TNKS: variants seen among roughly 807,000 people sequenced by gnomAD.
The protein encoded by TNKS is tankyrase, also known as poly [ADP-ribose] polymerase tankyrase-1.
In TNKS, 72 loss-of-function variants were observed where a neutral mutation model predicts 135.8. The ratio of observed to expected loss-of-function variants is 0.53; its 90% confidence interval spans 0.44 to 0.64. The LOEUF (loss-of-function observed/expected upper bound fraction) is 0.64. Among genes scored for constraint, TNKS ranks in the 30% least tolerant of loss-of-function variants. The pLI is 0.00. For synonymous variants in TNKS, 849 were observed against 649.3 expected (o/e 1.31, Z -4.68); for missense variants, 1,769 against 1,674.0 (o/e 1.06, Z -0.99).
intron 3 of TNKS, among the ~76,000 whole-genome samples, chr8:9,651,780 T>G (rs998515652): frequency 2.0e-5 from 3 of 152,202 alleles, no homozygotes; most frequent in African/African-American, 7.2e-5. Context: ...CCATATCCTG[T>G]TGGAAATAGT....
intron 1 of TNKS, chr8:9,575,150 G>C: frequency 2.4e-6 from 2 of 841,078 alleles, no homozygotes; most frequent in Non-Finnish European, 2.9e-6. Context: ...ATAGGGGCGC[G>C]ATCTCGGCTC....
At chr8:9,637,619 A>T (rs1800561719) in intron 3 of TNKS, among the ~76,000 whole-genome samples, 1 of 152,196 alleles carries the variant, frequency 6.6e-6, no homozygotes, top group Admixed American at 6.5e-5. Flanking sequence ...CAGCAATGGG[A>T]CAGTATCCTT....
chr8:9,633,884 T>C (rs1487453954), intron 3 of TNKS, among the ~76,000 whole-genome samples: 3 of 152,156 alleles, frequency 2.0e-5, no homozygotes, highest in Admixed American at 1.3e-4. Flanking sequence ...ATAGTCCCCA[T>C]GTATAGCTTG....
chr8:9,617,358 A>T (rs968356759), intron 3 of TNKS, among the ~76,000 whole-genome samples: 2 of 152,222 alleles, frequency 1.3e-5, no homozygotes, highest in African/African-American at 4.8e-5. Flanking sequence ...TCTTGGTCAT[A>T]ATACTGATTT....
At chr8:9,714,004 C>A (rs574804918) in intron 11 of TNKS, among the ~76,000 whole-genome samples, 1 of 152,312 alleles carries the variant, frequency 6.6e-6, no homozygotes, top group African/African-American at 2.4e-5. Flanking sequence ...CACCCTGCTG[C>A]CTTCCCCTAC....
At chr8:9,769,148 A>T (rs193067059) in intron 25 of TNKS, among the ~76,000 whole-genome samples, 1 of 152,244 alleles carries the variant, frequency 6.6e-6, no homozygotes, top group East Asian at 1.9e-4. Context: ...CAGTAACTCA[A>T]TTCTGCCCTT....
chr8:9,578,390 A>G (rs1798040217), intron 1 of TNKS, among the ~76,000 whole-genome samples: 1 of 152,254 alleles, frequency 6.6e-6, no homozygotes, highest in African/African-American at 2.4e-5. Context: ...CCCTGGTAAG[A>G]TGCTGACAGT....
chr8:9,761,282 C>T (rs1752408390), intron 20 of TNKS, among the ~76,000 whole-genome samples: 1 of 152,128 alleles, frequency 6.6e-6, no homozygotes, highest in Admixed American at 6.5e-5. Flanking sequence ...AGTATTGTTT[C>T]TCCCTTTTTA....
chr8:9,623,549 C>T (rs1409510836), intron 3 of TNKS, among the ~76,000 whole-genome samples: 1 of 151,448 alleles, frequency 6.6e-6, no homozygotes, highest in East Asian at 1.9e-4. Context: ...TACTTTATTG[C>T]TAAGAAATGC....
chr8:9,659,508 G>C (rs995790739), intron 3 of TNKS, among the ~76,000 whole-genome samples: 1 of 151,870 alleles, frequency 6.6e-6, no homozygotes, highest in Admixed American at 6.6e-5. Flanking sequence ...CAAAATGAAG[G>C]CAGAAATAAA....
chr8:9,770,083 AT>A, intron 25 of TNKS, 22 bp from the exon 26 acceptor site: 1 of 1,578,388 alleles, frequency 6.3e-7, no homozygotes, highest in East Asian at 2.3e-5. Flanking sequence ...CCTTCAAAGC[AT>A]TGTTTTTTTC....
chr8:9,747,354 T>A (rs1806293461), intron 17 of TNKS, among the ~76,000 whole-genome samples: 1 of 151,972 alleles, frequency 6.6e-6, no homozygotes, highest in South Asian at 2.1e-4. Context: ...TCTTTCAAAA[T>A]TTCTCAGATT....
At chr8:9,751,071 G>C (rs1806502190) in intron 18 of TNKS, among the ~76,000 whole-genome samples, 1 of 152,058 alleles carries the variant, frequency 6.6e-6, no homozygotes, top group South Asian at 2.1e-4. Flanking sequence ...GCGGGTAGGG[G>C]GCAGAAATTC....
At chr8:9,669,973 T>C (rs917737692) in intron 3 of TNKS, 2 of 152,178 alleles carry the variant, frequency 1.3e-5, no homozygotes, top group Non-Finnish European at 2.9e-5. Flanking sequence ...AGCGTAATAT[T>C]AGCTTCAAAA....
rs77308425 is a variant in TNKS at position 9,772,528 on chromosome 8, G to C, written c.3897+2266G>C. The C allele has an allele frequency of 1.4e-3, 571 of 417,986 alleles. 5 individuals carry two copies. Among genetic ancestry groups the C allele is most frequent in the African/African-American group, 0.011 (523 of 48,828 alleles). 25.9% of individuals were successfully genotyped at this position (417,986 alleles called of 1,614,324 possible). A position where few individuals can be genotyped will look rare whatever the true frequency, so the allele number is the denominator to read the frequency against. ...AAAGAAAGGCTGTGCTAACTTTCCA[G>C]ATTACATGAGGCCCAAGAGACATGA... On this transcript the variant is annotated intron_variant, in intron 26 of 26. Coordinates refer to ENST00000310430, the MANE Select transcript of TNKS (RefSeq NM_003747.3).
intron 5 of TNKS, among the ~76,000 whole-genome samples, chr8:9,684,621 T>A (rs1290974696): frequency 6.6e-6 from 1 of 152,244 alleles, no homozygotes; most frequent in African/African-American, 2.4e-5. Context: ...TGCCTACTGT[T>A]GCTACTAGTA....
chr8:9,648,735 G>T (rs944297305), intron 3 of TNKS, among the ~76,000 whole-genome samples: 1 of 152,112 alleles, frequency 6.6e-6, no homozygotes, highest in Admixed American at 6.5e-5. Context: ...GACTACTGTT[G>T]TATATGTGGT....
chr8:9,670,040 T>C (rs556212432), intron 3 of TNKS: 186 of 152,316 alleles, frequency 1.2e-3, no homozygotes, highest in African/African-American at 4.4e-3. Flanking sequence ...CCGTCTCTTA[T>C]TATAAAGTTA....
At chr8:9,590,429 A>G (rs1157560187) in intron 2 of TNKS, among the ~76,000 whole-genome samples, 3 of 152,048 alleles carry the variant, frequency 2.0e-5, no homozygotes, top group Non-Finnish European at 2.9e-5. Flanking sequence ...ATCATGTTTT[A>G]TTTTACACCA....
Sources: allele counts gnomAD v4.1 joint callset (sites outside exome capture counted in the v4.1 genomes callset), GRCh38; gene constraint gnomAD v4.1.1; transcripts MANE v1.5; gene names NCBI Gene and HGNC (gene_info 2026-07-23, HGNC 2026-07-21).